ARFGEF1: variants seen among roughly 807,000 people sequenced by gnomAD.
The protein encoded by ARFGEF1 is brefeldin A-inhibited guanine nucleotide-exchange protein 1.
In ARFGEF1, 42 loss-of-function variants were observed where a neutral mutation model predicts 231.0. The observed-to-expected ratio is 0.18, with a 90% CI of 0.14 to 0.24. ARFGEF1 has a LOEUF of 0.24. ARFGEF1 is among the 10% of genes least tolerant of loss of function. The pLI, the probability that ARFGEF1 is intolerant of heterozygous loss-of-function variation, is 1.00. For missense variants in ARFGEF1, 1,345 were observed against 2,192.0 expected (o/e 0.61, Z 7.72); for synonymous variants, 710 against 732.3 (o/e 0.97, Z 0.49).
intron 1 of ARFGEF1, among the ~76,000 whole-genome samples, chr8:67,319,281 G>T (rs888547570): frequency 2.0e-4 from 30 of 152,084 alleles, no homozygotes; most frequent in Admixed American, 1.8e-3. Context: ...TAATAAAGAA[G>T]AATAACTTGG....
intron 1 of ARFGEF1, among the ~76,000 whole-genome samples, chr8:67,310,233 G>A (rs953643744): frequency 4.0e-5 from 6 of 151,652 alleles, no homozygotes; most frequent in East Asian, 1.9e-4. Flanking sequence ...TCAGCCTGCC[G>A]AGTGCCTGCG....
In ARFGEF1 at chr8:67,198,651, G is replaced by A. The variant is rs947599424; in HGVS notation, c.*283C>T. 7.1e-6 allele frequency: 8 copies of A among 1,122,760 alleles called. No homozygotes were observed. In the African/African-American group the frequency reaches 1.2e-4, roughly 16 times the overall value. 69.5% of individuals were successfully genotyped at this position (1,122,760 alleles called of 1,614,324 possible). A position where few individuals can be genotyped will look rare whatever the true frequency, so the allele number is the denominator to read the frequency against. On this transcript the variant is annotated 3_prime_UTR_variant, in exon 39 of 39. Transcript: ENST00000262215. Reference sequence around the variant, plus strand: ...TTTCACTTCCACACCTGCCAAAAACGTGGGGCTTTTCCTGCCGTGGAAGAC... The same window carrying A: ...TTTCACTTCCACACCTGCCAAAAACATGGGGCTTTTCCTGCCGTGGAAGAC...
intron 1 of ARFGEF1, among the ~76,000 whole-genome samples, chr8:67,326,957 C>T (rs1367356274): frequency 6.6e-6 from 1 of 152,172 alleles, no homozygotes; most frequent in East Asian, 1.9e-4. Context: ...CAATTTCCTT[C>T]CTATTATTAG....
At chr8:67,241,084 A>T (rs922411657) in intron 19 of ARFGEF1, among the ~76,000 whole-genome samples, 1 of 152,208 alleles carries the variant, frequency 6.6e-6, no homozygotes, top group African/African-American at 2.4e-5. Context: ...TCAGTGCGCT[A>T]TAGAAATTAC....
At chr8:67,328,992 T>A (rs571849464) in intron 1 of ARFGEF1, among the ~76,000 whole-genome samples, 7 of 152,034 alleles carry the variant, frequency 4.6e-5, no homozygotes, top group African/African-American at 1.7e-4. Context: ...CTTTGGAAGG[T>A]TGAGGCGGGC....
chr8:67,181,383 G>GAAGAT (rs1833000826), intron 5 of ARFGEF1, among the ~76,000 whole-genome samples: 1 of 146,400 alleles, frequency 6.8e-6, no homozygotes, highest in Non-Finnish European at 1.5e-5. Context: ...CCTTTCCAAG[G>GAAGAT]AAGATGCACT....
chr8:67,226,592 GCAC>G (rs1839381469), intron 27 of ARFGEF1, among the ~76,000 whole-genome samples: 1 of 152,060 alleles, frequency 6.6e-6, no homozygotes, highest in South Asian at 2.1e-4. Flanking sequence ...ACTTAAGCAA[GCAC>G]GCAATAAATG....
chr8:67,192,421 G>T (rs948717541), intron 5 of ARFGEF1, among the ~76,000 whole-genome samples: 21 of 152,084 alleles, frequency 1.4e-4, no homozygotes, highest in African/African-American at 4.8e-4. Context: ...AGTTGTAAGA[G>T]TTCTTTTACA....
intron 20 of ARFGEF1, 31 bp downstream of exon 20, chr8:67,240,131 A>G: frequency 1.2e-6 from 2 of 1,602,908 alleles, no homozygotes; most frequent in Non-Finnish European, 1.7e-6. Context: ...TAATGTTCCA[A>G]ACTGGCTACA....
chr8:67,221,420 A>G (rs1054327083), intron 29 of ARFGEF1, among the ~76,000 whole-genome samples: 5 of 152,134 alleles, frequency 3.3e-5, no homozygotes, highest in African/African-American at 1.2e-4. Context: ...GACCCTGTGT[A>G]GGCCTAGGTT....
At chr8:67,252,422 T>A (rs1018597635) in intron 18 of ARFGEF1, among the ~76,000 whole-genome samples, 1 of 150,828 alleles carries the variant, frequency 6.6e-6, no homozygotes, top group Admixed American at 6.6e-5. Flanking sequence ...CACACCACCA[T>A]CTCCTTTCCA....
At chr8:67,303,009 C>G (rs1340524051) in intron 1 of ARFGEF1, among the ~76,000 whole-genome samples, 1 of 151,658 alleles carries the variant, frequency 6.6e-6, no homozygotes, top group Non-Finnish European at 1.5e-5. Context: ...GTGGGAGGGT[C>G]CCTTGAGCCC....
At chr8:67,203,775 T>TTTC (rs1563834087) in intron 35 of ARFGEF1, among the ~76,000 whole-genome samples, 1 of 152,226 alleles carries the variant, frequency 6.6e-6, no homozygotes, top group Non-Finnish European at 1.5e-5. Flanking sequence ...GTAGATGACT[T>TTTC]TTCTTCCCAT....
intron 5 of ARFGEF1, among the ~76,000 whole-genome samples, chr8:67,185,140 C>A (rs982844247): frequency 2.7e-5 from 4 of 149,680 alleles, no homozygotes; most frequent in South Asian, 2.1e-4. Context: ...AACAAACAAA[C>A]AAAAAACACA....
At chr8:67,176,293 A>G (rs1318199067) in intron 5 of ARFGEF1, among the ~76,000 whole-genome samples, 1 of 152,154 alleles carries the variant, frequency 6.6e-6, no homozygotes, top group African/African-American at 2.4e-5. Context: ...AGTTATTTTT[A>G]AGAAAAGTTA....
chr8:67,240,471 G>C (rs1449313808), intron 19 of ARFGEF1, among the ~76,000 whole-genome samples, 181 bp from the exon 20 acceptor site: 12 of 151,960 alleles, frequency 7.9e-5, no homozygotes, highest in Admixed American at 7.2e-4. Context: ...ATAAATGGGA[G>C]AGCAAAATAA....
chr8:67,254,544 TAG>T (rs1191507909), intron 17 of ARFGEF1, among the ~76,000 whole-genome samples: 5 of 152,156 alleles, frequency 3.3e-5, no homozygotes, highest in East Asian at 3.9e-4. Flanking sequence ...GCAAAAACTA[TAG>T]AGAGTGTGGT....
intron 1 of ARFGEF1, among the ~76,000 whole-genome samples, chr8:67,321,619 C>G (rs146432162): frequency 0.016 from 2,465 of 152,220 alleles, 70 homozygotes; most frequent in African/African-American, 0.057. Context: ...CGCCACCACG[C>G]CCGGCTATTT....
chr8:67,311,337 G>A (rs1807037942), intron 1 of ARFGEF1, among the ~76,000 whole-genome samples: 1 of 127,090 alleles, frequency 7.9e-6, no homozygotes. Flanking sequence ...AGGAGGTGAG[G>A]GGCGCCTCTG....
Sources: gnomAD v4.1 joint callset for allele counts (sites outside exome capture counted in the v4.1 genomes callset) on GRCh38, gnomAD v4.1.1 for gene constraint, MANE v1.5 for transcripts, NCBI Gene and HGNC (gene_info 2026-07-23, HGNC 2026-07-21) for gene names.